The following ZNF398 variants were observed in gnomAD, a reference collection of about 807,000 sequenced individuals.
The protein encoded by ZNF398 is zinc finger protein 398, also known as zinc finger DNA binding protein ZER6.
ZNF398 carries 18 observed loss-of-function variants against 41.9 expected under a neutral mutation model. That is an observed-to-expected ratio of 0.43 (90% CI 0.30 to 0.64). The LOEUF is 0.64. Among genes scored for constraint, ZNF398 ranks in the 30% least tolerant of loss-of-function variants. ZNF398 has a pLI of 0.14. For missense variants in ZNF398, 669 were observed against 822.8 expected (o/e 0.81, Z 2.29); for synonymous variants, 260 against 308.8 (o/e 0.84, Z 1.66).
chr7:149,173,303 C>T (rs989689734), intron 4 of ZNF398, among the ~76,000 whole-genome samples: 10 of 151,760 alleles, frequency 6.6e-5, no homozygotes, highest in East Asian at 1.9e-4. Context: ...GACGGGGTTT[C>T]GCCATGTTGG....
chr7:149,168,563 A>ATTT (rs869225493), intron 4 of ZNF398, among the ~76,000 whole-genome samples: 1 of 144,864 alleles, frequency 6.9e-6, no homozygotes, highest in Admixed American at 6.8e-5. Context: ...TCTGCCTCAC[A>ATTT]TTTATTATTA....
chr7:149,146,011 T>C (rs1483197184), upstream of ZNF398, among the ~76,000 whole-genome samples: 4 of 136,272 alleles, frequency 2.9e-5, no homozygotes, highest in African/African-American at 5.4e-5. Flanking sequence ...AGTGCTGCCA[T>C]CTCTGCTCAC....
chr7:149,128,228 G>T (rs913818435), intron 1 of ZNF398, among the ~76,000 whole-genome samples: 3 of 152,154 alleles, frequency 2.0e-5, no homozygotes, highest in Admixed American at 1.3e-4. Flanking sequence ...TACATGTAAA[G>T]TGTACACTGG....
chr7:149,173,266 G>A (rs1018700219), intron 4 of ZNF398, among the ~76,000 whole-genome samples: 2 of 151,732 alleles, frequency 1.3e-5, no homozygotes, highest in African/African-American at 4.8e-5. Context: ...CACCATGCCT[G>A]GCTCATTTTT....
At chr7:149,163,994 C>T (rs1283832608) in intron 2 of ZNF398, among the ~76,000 whole-genome samples, 1 of 152,128 alleles carries the variant, frequency 6.6e-6, no homozygotes, top group African/African-American at 2.4e-5. Flanking sequence ...CACCTGTAAT[C>T]CCAGCTACTT....
intron 2 of ZNF398, among the ~76,000 whole-genome samples, chr7:149,132,197 T>C (rs865785985): frequency 9.7e-5 from 14 of 143,826 alleles, no homozygotes; most frequent in East Asian, 8.7e-4. Context: ...TCTCTCTCTT[T>C]TTTTTTTTTT....
chr7:149,141,175 C>A (rs567583813), intron 2 of ZNF398, among the ~76,000 whole-genome samples: 28 of 151,742 alleles, frequency 1.8e-4, no homozygotes, highest in Non-Finnish European at 3.4e-4. Context: ...TATGATAAAT[C>A]ATCTTTAAAT....
At chr7:149,139,737 G>A (rs1370922861) in intron 2 of ZNF398, among the ~76,000 whole-genome samples, 2 of 150,910 alleles carry the variant, frequency 1.3e-5, no homozygotes, top group Non-Finnish European at 2.9e-5. Flanking sequence ...CGGGCGTGGT[G>A]GCTCACGCCT....
At chr7:149,144,558 C>T (rs550129490), upstream of ZNF398, among the ~76,000 whole-genome samples, 3 of 152,194 alleles carry the variant, frequency 2.0e-5, no homozygotes, top group South Asian at 2.1e-4. Context: ...ATCTACCCAC[C>T]TCGGCCTCCC....
Position 149,154,145 on chromosome 7 carries a change from GA to G in ZNF398, c.227del (p.Lys76ArgfsTer3). The G allele has an allele frequency of 6.2e-7, 1 of 1,614,180 alleles. No homozygotes were observed. Among genetic ancestry groups the G allele is most frequent in the Non-Finnish European group, 8.5e-7 (1 of 1,180,038 alleles). ...TGGAAGGTCGGACAGGGACAGCAGA[GA>G]AGAAACTAGCCAGCTGTGAAAAGAC... ...HLEGRTGTAE[K>X]KLASCEKTVT... On this transcript the variant is annotated frameshift_variant, in exon 2 of 6. Transcript: ENST00000475153. LOFTEE classifies it high-confidence loss of function.
intron 2 of ZNF398, among the ~76,000 whole-genome samples, chr7:149,155,652 G>T (rs1481801769): frequency 6.8e-6 from 1 of 148,132 alleles, no homozygotes; most frequent in Non-Finnish European, 1.5e-5. Context: ...AGGAGAAATT[G>T]GAGGGTTTGA....
chr7:149,165,246 C>T (rs996054299), intron 2 of ZNF398, among the ~76,000 whole-genome samples: 20 of 152,082 alleles, frequency 1.3e-4, no homozygotes, highest in Non-Finnish European at 1.5e-5. Flanking sequence ...GACATTAAAA[C>T]AGGAATGCTG....
intron 2 of ZNF398, among the ~76,000 whole-genome samples, chr7:149,160,704 G>T (rs1056342508): frequency 1.3e-5 from 2 of 152,158 alleles, no homozygotes; most frequent in Non-Finnish European, 2.9e-5. Flanking sequence ...ATTTTCTTGT[G>T]TGAATTAAGT....
chr7:149,129,824 G>A (rs1046058341), intron 2 of ZNF398, among the ~76,000 whole-genome samples: 3 of 151,546 alleles, frequency 2.0e-5, no homozygotes, highest in Non-Finnish European at 4.4e-5. Flanking sequence ...TTTTGAGATG[G>A]AGTTTTGCTC....
chr7:149,167,699 C>G (rs756086597), intron 4 of ZNF398, among the ~76,000 whole-genome samples: 17 of 144,574 alleles, frequency 1.2e-4, no homozygotes, highest in Non-Finnish European at 2.1e-4. Context: ...CAAGCTCCGT[C>G]TCCTGGGTTC....
chr7:149,179,708 A>C lies in ZNF398; in HGVS notation c.1836A>C (p.Ile612=), dbSNP rs1366258520. ...CACCCAACCCACCAGGTCCCCTCAT[A>C]ACTGGGCTTGAAACTTCTGGCCTGG... The part of the protein sequence containing the change: ...GQPPNPPGPL[I]TGLETSGLGV... Residue 612 remains isoleucine, a synonymous_variant, in exon 6 of 6, where the codon ATA becomes ATC. Coordinates refer to ENST00000475153, the MANE Select transcript of ZNF398 (RefSeq NM_170686.3). This position sits in a 1 kb window ranked among gnomAD's most constrained non-coding sequence, Gnocchi z 6.1. 2 of 1,613,992 alleles carry C rather than the reference A, an allele frequency of 1.2e-6. No individual in the cohort carries two copies. Among genetic ancestry groups the C allele is most frequent in the African/African-American group, 1.3e-5 (1 of 74,906 alleles).
rs550335940 is a variant in ZNF398 at position 149,167,312 on chromosome 7, A to T, written c.661+382A>T. 4.0e-4 allele frequency among the ~76,000 whole-genome samples: 61 copies of T among 152,322 alleles called. 1 individual carries two copies. Among genetic ancestry groups the T allele is most frequent in the Middle Eastern group, 3.4e-3 (1 of 294 alleles). On this transcript the variant is annotated intron_variant, in intron 4 of 5. Transcript: ENST00000475153. The stretch of plus-strand genomic sequence containing the variant: ...GACTAGGAGTCTGCATGGTCCCTCT[A>T]AGATGCATGGAACCAGTAGACACTG...
At chr7:149,175,681 T>G (rs1466141555) in intron 4 of ZNF398, among the ~76,000 whole-genome samples, 1 of 151,562 alleles carries the variant, frequency 6.6e-6, no homozygotes, top group Non-Finnish European at 1.5e-5. Context: ...ATTTGTTTTT[T>G]GTTTGTTTGT....
intron 2 of ZNF398, among the ~76,000 whole-genome samples, chr7:149,141,037 C>T: frequency 2.8e-5 from 1 of 35,528 alleles, no homozygotes; most frequent in East Asian, 1.2e-3. Flanking sequence ...CACAGCCTGT[C>T]TCAAAAAAAA....
Sources: gnomAD v4.1 joint callset for allele counts (sites outside exome capture counted in the v4.1 genomes callset) on GRCh38, gnomAD v4.1.1 for gene constraint, Gnocchi (gnomAD v3.1) non-coding constraint, MANE v1.5 for transcripts, NCBI Gene and HGNC (gene_info 2026-07-23, HGNC 2026-07-21) for gene names.